Variants in GNG4 observed in about 807,000 individuals in gnomAD.
GNG4 encodes guanine nucleotide-binding protein G(I)/G(S)/G(O) subunit gamma-4.
Under a neutral mutation model 5.8 loss-of-function variants are expected in GNG4, and 4 were observed. The ratio of observed to expected loss-of-function variants is 0.69; its 90% CI spans 0.34 to 1.57. The LOEUF (loss-of-function observed/expected upper bound fraction) is 1.57, where lower values mean the gene tolerates loss of function less well. Ranked by LOEUF, GNG4 falls within the 40% of genes most tolerant of loss-of-function variation. The probability of loss-of-function intolerance (pLI) is 0.06; values close to 1 mark genes in which losing one functional copy is unlikely to be tolerated. For synonymous variants in GNG4, 29 were observed against 32.9 expected (o/e 0.88, Z 0.41); for missense variants, 96 against 95.1 (o/e 1.01, Z -0.04).
intron 1 of GNG4, among the ~76,000 whole-genome samples, chr1:235,597,588 C>CTCTG (rs1553369027): frequency 0.078 from 5,778 of 74,162 alleles, 465 homozygotes; most frequent in African/African-American, 0.12. Context: ...AACTTGTTTG[C>CTCTG]TGTGTGTGTG....
intron 3 of GNG4, among the ~76,000 whole-genome samples, chr1:235,554,762 T>C (rs1686852792): frequency 6.6e-6 from 1 of 150,912 alleles, no homozygotes; most frequent in African/African-American, 2.4e-5. Flanking sequence ...GGAGAATCGC[T>C]TGAACTCGGG....
intron 3 of GNG4, among the ~76,000 whole-genome samples, chr1:235,580,738 C>G (rs906621851): frequency 1.0e-5 from 1 of 98,122 alleles, no homozygotes; most frequent in African/African-American, 3.7e-5. Context: ...CGGCCTATCC[C>G]GTTTTTTGTT....
intron 2 of GNG4, among the ~76,000 whole-genome samples, chr1:235,587,612 G>GT (rs1558486373): frequency 3.5e-5 from 2 of 56,440 alleles, no homozygotes; most frequent in Non-Finnish European, 1.0e-4. Flanking sequence ...GGCATGGGGT[G>GT]GGGTGTGTGA....
At chr1:235,564,034 T>G (rs1384757685) in intron 3 of GNG4, among the ~76,000 whole-genome samples, 1 of 152,164 alleles carries the variant, frequency 6.6e-6, no homozygotes, top group African/African-American at 2.4e-5. Flanking sequence ...TTACCAACAG[T>G]GGACTGGATA....
At chr1:235,577,965 C>T (rs896087673) in intron 3 of GNG4, among the ~76,000 whole-genome samples, 6 of 152,160 alleles carry the variant, frequency 3.9e-5, no homozygotes, top group African/African-American at 1.2e-4. Context: ...AGGTCCTTGA[C>T]GAGGTCATCG....
intron 2 of GNG4, among the ~76,000 whole-genome samples, chr1:235,588,596 A>C (rs1296267455): frequency 2.0e-5 from 3 of 146,632 alleles, no homozygotes; most frequent in East Asian, 2.0e-4. Flanking sequence ...TGCTGGAGAG[A>C]CCCCCCCCAC....
At chr1:235,630,715 C>A (rs1688914902) in intron 1 of GNG4, among the ~76,000 whole-genome samples, 1 of 152,128 alleles carries the variant, frequency 6.6e-6, no homozygotes. Context: ...GGGACACGGG[C>A]TCTGGAAGAG....
At chr1:235,618,652 A>C (rs1203684843) in intron 1 of GNG4, among the ~76,000 whole-genome samples, 1 of 148,600 alleles carries the variant, frequency 6.7e-6, no homozygotes, top group Non-Finnish European at 1.5e-5. Context: ...TAAATTTTTA[A>C]TCTTTTTGTT....
chr1:235,579,446 C>A (rs534924704), intron 3 of GNG4, among the ~76,000 whole-genome samples: 96 of 135,760 alleles, frequency 7.1e-4, no homozygotes, highest in African/African-American at 1.8e-3. Flanking sequence ...AAAAAAAAAC[C>A]CAGAAAACAA....
At chr1:235,594,180 G>A (rs1392144399) in intron 2 of GNG4, among the ~76,000 whole-genome samples, 1 of 152,042 alleles carries the variant, frequency 6.6e-6, no homozygotes, top group Non-Finnish European at 1.5e-5. Context: ...CCCCACCAGC[G>A]TAGCTAGATA....
intron 3 of GNG4, among the ~76,000 whole-genome samples, chr1:235,569,315 C>T (rs900836030): frequency 6.6e-6 from 1 of 151,988 alleles, no homozygotes; most frequent in African/African-American, 2.4e-5. Context: ...TTAGAGACCG[C>T]CTGGGCAACA....
intron 1 of GNG4, among the ~76,000 whole-genome samples, chr1:235,645,139 G>T (rs1355801960): frequency 6.6e-6 from 1 of 152,176 alleles, no homozygotes; most frequent in African/African-American, 2.4e-5. Context: ...GACCCTCTGG[G>T]AAGACAGAGT....
intron 2 of GNG4, among the ~76,000 whole-genome samples, chr1:235,592,669 C>G (rs1688000214): frequency 6.6e-6 from 1 of 152,138 alleles, no homozygotes; most frequent in Non-Finnish European, 1.5e-5. Context: ...CGACCTGTAA[C>G]CCCTGGCTTG....
chr1:235,570,882 ATATG>A (rs1259506871), intron 3 of GNG4, among the ~76,000 whole-genome samples: 2 of 68,032 alleles, frequency 2.9e-5, no homozygotes, highest in East Asian at 6.3e-4. Context: ...GTGTGTGTGT[ATATG>A]TATGTATATA....
intron 1 of GNG4, among the ~76,000 whole-genome samples, chr1:235,609,799 C>G (rs560460793): frequency 6.6e-6 from 1 of 151,760 alleles, no homozygotes; most frequent in Non-Finnish European, 1.5e-5. Flanking sequence ...CCCAGCTACT[C>G]GGGAGGCTGA....
chr1:235,602,570 CA>C (rs1167129853), intron 1 of GNG4, among the ~76,000 whole-genome samples: 1 of 152,162 alleles, frequency 6.6e-6, no homozygotes, highest in Admixed American at 6.6e-5. Context: ...AGTATTTCAA[CA>C]GAGGTTAGTA....
In GNG4 at chr1:235,552,141, G is replaced by T; in HGVS notation, c.196C>A (p.Arg66Ser). 6.2e-7 allele frequency: 1 copy of T among 1,613,952 alleles called. No homozygotes were observed. The highest frequency in any genetic ancestry group is 1.3e-5 in the African/African-American group (1 of 75,018). The change falls in exon 4 of 4, where the codon CGC becomes AGC. Residue 66 changes from arginine (R) to serine (S), a missense_variant. Physicochemically the swap from Arg to Ser is moderately radical, Grantham distance 110. Coordinates refer to ENST00000391854, the MANE Select transcript of GNG4 (RefSeq NM_001098722.2). ...IPVPASENPF[R>S]EKKFFCTIL is the part of the protein sequence containing the mutation. ...ATGGTACAAAAGAACTTCTTCTCGCGAAAGGGGTTTTCTGATGCAGGCACT... is the reference window on the plus strand; with the variant it reads ...ATGGTACAAAAGAACTTCTTCTCGCTAAAGGGGTTTTCTGATGCAGGCACT...
At chr1:235,589,145 G>A (rs1304884824) in intron 2 of GNG4, among the ~76,000 whole-genome samples, 2 of 152,244 alleles carry the variant, frequency 1.3e-5, no homozygotes, top group Non-Finnish European at 2.9e-5. Flanking sequence ...CAGCCATATA[G>A]CCATAACATC....
At chr1:235,597,406 C>A (rs954782095) in intron 1 of GNG4, among the ~76,000 whole-genome samples, 3 of 151,328 alleles carry the variant, frequency 2.0e-5, no homozygotes, top group South Asian at 2.1e-4. Flanking sequence ...CCTACCCCCC[C>A]CAAATTCCTA....
Sources: allele counts gnomAD v4.1 joint callset (sites outside exome capture counted in the v4.1 genomes callset), GRCh38; gene constraint gnomAD v4.1.1; transcripts MANE v1.5; gene names NCBI Gene and HGNC (gene_info 2026-07-23, HGNC 2026-07-21).